CCDC85A: variants seen among roughly 807,000 people sequenced by gnomAD.
CCDC85A encodes coiled-coil domain-containing protein 85A.
A neutral mutation model predicts 50.2 loss-of-function variants in CCDC85A; 38 were observed. The observed-to-expected ratio is 0.76, with a 90% CI of 0.58 to 0.99. CCDC85A has a LOEUF of 0.99. Ranked by LOEUF, CCDC85A falls within the 50% of genes least tolerant of loss-of-function variation. The pLI, the probability that CCDC85A is intolerant of heterozygous loss-of-function variation, is 0.00. For synonymous variants in CCDC85A, 366 were observed against 301.4 expected (o/e 1.21, Z -2.22); for missense variants, 820 against 742.0 (o/e 1.11, Z -1.22).
chr2:56,376,899 A>G (rs1364052102), intron 5 of CCDC85A, among the ~76,000 whole-genome samples: 1 of 152,220 alleles, frequency 6.6e-6, no homozygotes, highest in Non-Finnish European at 1.5e-5. Flanking sequence ...AAAATGATTT[A>G]TCATCAGCCT....
chr2:56,312,204 CTA>C (rs1394212390), intron 2 of CCDC85A, among the ~76,000 whole-genome samples: 1 of 152,086 alleles, frequency 6.6e-6, no homozygotes, highest in Non-Finnish European at 1.5e-5. Flanking sequence ...TAGCAAACAT[CTA>C]TCAAGCACCC....
chr2:56,351,387 A>C (rs1674929927), intron 3 of CCDC85A, among the ~76,000 whole-genome samples: 1 of 148,196 alleles, frequency 6.7e-6, no homozygotes, highest in Admixed American at 6.7e-5. Flanking sequence ...TGGCTGGGTC[A>C]AATGGTATTT....
chr2:56,300,699 A>G (rs1219020573), intron 2 of CCDC85A, among the ~76,000 whole-genome samples: 4 of 152,204 alleles, frequency 2.6e-5, no homozygotes, highest in African/African-American at 2.4e-5. Flanking sequence ...CAGAGGATTT[A>G]AGGAAGCTAT....
chr2:56,213,008 T>A (rs528766867), intron 2 of CCDC85A, among the ~76,000 whole-genome samples: 13 of 152,184 alleles, frequency 8.5e-5, no homozygotes, highest in African/African-American at 3.1e-4. Flanking sequence ...ATCTCATTTA[T>A]CTCTTGGCTC....
chr2:56,185,311 C>T (rs527456614), intron 1 of CCDC85A, among the ~76,000 whole-genome samples: 23 of 152,162 alleles, frequency 1.5e-4, no homozygotes, highest in Non-Finnish European at 2.1e-4. Context: ...TGCGGCTGCT[C>T]TGGGCCAGCA....
intron 5 of CCDC85A, among the ~76,000 whole-genome samples, chr2:56,381,728 T>A (rs1368472828): frequency 1.3e-5 from 2 of 152,048 alleles, no homozygotes; most frequent in African/African-American, 4.8e-5. Context: ...CTGTAAAAAA[T>A]TCCAGGATTG....
intron 2 of CCDC85A, among the ~76,000 whole-genome samples, chr2:56,266,339 A>T (rs181101309): frequency 2.6e-5 from 4 of 152,300 alleles, no homozygotes; most frequent in Non-Finnish European, 5.9e-5. Context: ...GAAGGCTGAG[A>T]TGGGAGGATT....
chr2:56,349,858 G>A (rs540010149), intron 3 of CCDC85A, among the ~76,000 whole-genome samples: 17 of 151,660 alleles, frequency 1.1e-4, no homozygotes, highest in Admixed American at 5.9e-4. Flanking sequence ...ATTTGTAATA[G>A]CCATAAAAAT....
intron 2 of CCDC85A, among the ~76,000 whole-genome samples, chr2:56,233,252 G>T (rs1042511397): frequency 6.6e-5 from 10 of 151,770 alleles, no homozygotes; most frequent in South Asian, 2.1e-4. Context: ...GACTGACAGG[G>T]TTAAGTCAAA....
chr2:56,289,874 C>A (rs201698045), intron 2 of CCDC85A, among the ~76,000 whole-genome samples: 11 of 148,968 alleles, frequency 7.4e-5, no homozygotes, highest in Non-Finnish European at 1.5e-4. Flanking sequence ...AGTATGATAT[C>A]TTTGTCAGAT....
chr2:56,318,660 GTAAT>G (rs1673025337), intron 2 of CCDC85A, among the ~76,000 whole-genome samples: 1 of 152,086 alleles, frequency 6.6e-6, no homozygotes, highest in African/African-American at 2.4e-5. Context: ...CAGCTAGAGT[GTAAT>G]TAGTCAGTTT....
intron 3 of CCDC85A, among the ~76,000 whole-genome samples, chr2:56,343,720 A>C (rs1674489311): frequency 6.6e-6 from 1 of 152,196 alleles, no homozygotes; most frequent in Admixed American, 6.5e-5. Context: ...GAAGTTTTCC[A>C]AGAAATTAGT....
At chr2:56,194,837 C>T (rs1016339) in intron 2 of CCDC85A, among the ~76,000 whole-genome samples, 34,629 of 151,664 alleles carry the variant, frequency 0.23, 4,311 homozygotes, top group African/African-American at 0.34. Flanking sequence ...ACTCACTCTT[C>T]CCAAGAGCCG....
Position 56,184,803 on chromosome 2 carries a change from A to C in CCDC85A, c.179A>C (p.Glu60Ala). The C allele has an allele frequency of 1.3e-6, 2 of 1,546,210 alleles. No homozygotes were observed. The highest frequency in any genetic ancestry group is 1.7e-6 in the Non-Finnish European group (2 of 1,146,072). Residue 60 changes from glutamate to alanine, a missense_variant, in exon 1 of 6, where the codon GAG becomes GCG. Transcript: ENST00000407595. ...EELIRSLRRA[E>A]AEKVSAMLDH... is the part of the protein sequence containing the mutation. The stretch of plus-strand genomic sequence containing the variant: ...CTGATCCGCAGCCTGCGGCGCGCCG[A>C]GGCGGAGAAGGTGAGCGCGATGCTG...
intron 5 of CCDC85A, among the ~76,000 whole-genome samples, chr2:56,377,506 C>T (rs891833440): frequency 1.1e-4 from 17 of 152,274 alleles, no homozygotes; most frequent in Admixed American, 8.5e-4. Flanking sequence ...TGAATCAGAT[C>T]AGCATAGTGA....
At chr2:56,364,574 G>A (rs35470887) in intron 3 of CCDC85A, among the ~76,000 whole-genome samples, 19,727 of 152,084 alleles carry the variant, frequency 0.13, 1,433 homozygotes, top group Non-Finnish European at 0.17. Context: ...AATGCTTGAG[G>A]GCTTTGCATT....
At chr2:56,317,278 A>G (rs1224333424) in intron 2 of CCDC85A, among the ~76,000 whole-genome samples, 4 of 152,140 alleles carry the variant, frequency 2.6e-5, no homozygotes, top group African/African-American at 9.6e-5. Context: ...ATCTGTAAAT[A>G]TATTTTCCAC....
intron 2 of CCDC85A, among the ~76,000 whole-genome samples, chr2:56,287,738 T>C (rs796913643): frequency 6.6e-6 from 1 of 152,224 alleles, no homozygotes; most frequent in South Asian, 2.1e-4. Context: ...TCCTTTATTT[T>C]CTCACTTTAC....
chr2:56,232,675 A>G (rs1341955666), intron 2 of CCDC85A, among the ~76,000 whole-genome samples: 5 of 152,060 alleles, frequency 3.3e-5, no homozygotes, highest in African/African-American at 1.2e-4. Context: ...TCTTTTTATA[A>G]ATTACCCAGT....
Sources: gnomAD v4.1 joint callset for allele counts (sites outside exome capture counted in the v4.1 genomes callset) on GRCh38, gnomAD v4.1.1 for gene constraint, MANE v1.5 for transcripts, NCBI Gene and HGNC (gene_info 2026-07-23, HGNC 2026-07-21) for gene names.